The following LRATD1 variants were observed in gnomAD, a reference collection of about 807,000 sequenced individuals.
The protein encoded by LRATD1 is protein LRATD1.
LRATD1 carries 8 observed loss-of-function variants against 21.3 expected under a neutral mutation model. The ratio of observed to expected loss-of-function variants is 0.38; its 90% confidence interval spans 0.22 to 0.68. LRATD1 has a LOEUF of 0.68. Ranked by LOEUF, LRATD1 falls within the 30% of genes least tolerant of loss-of-function variation. The pLI is 0.54. For missense variants in LRATD1, 380 were observed against 404.0 expected (o/e 0.94, Z 0.51); for synonymous variants, 210 against 186.2 (o/e 1.13, Z -1.04).
At chr2:14,649,046 T>A (rs1047726476) in intron 4 of LRATD1, among the ~76,000 whole-genome samples, 2 of 152,152 alleles carry the variant, frequency 1.3e-5, no homozygotes, top group Admixed American at 6.5e-5. Context: ...TTGAAAAGCC[T>A]ATACCCTTCA....
rs1313533239 is a variant in LRATD1 at position 14,637,874 on chromosome 2, TTAA to T, written c.*3021_*3023del. 1 of 167,000 alleles carries T rather than the reference TTAA, an allele frequency of 6.0e-6. No homozygotes were observed. Among genetic ancestry groups the T allele is most frequent in the Non-Finnish European group, 1.5e-5 (1 of 68,086 alleles). The allele number at this position is 167,000 out of a possible 1,614,324, so 10.3% of individuals were successfully genotyped here. Reference sequence around the variant, plus strand: ...ATTACCTGAAAAGTTTCCTAACATTTTAATAATGTTAGGGATTTCGTTTTGGTT... The same window carrying T: ...ATTACCTGAAAAGTTTCCTAACATTTTAATGTTAGGGATTTCGTTTTGGTT... On this transcript the variant is annotated 3_prime_UTR_variant, in exon 2 of 2. Coordinates refer to ENST00000295092, the MANE Select transcript of LRATD1 (RefSeq NM_145175.4).
chr2:14,633,786 C>T lies in LRATD1; in HGVS notation c.-36-158C>T. 3 of 709,464 alleles carry T rather than the reference C, an allele frequency of 4.2e-6. No individual in the cohort carries two copies. Among genetic ancestry groups the T allele is most frequent in the Non-Finnish European group, 6.9e-6 (3 of 434,136 alleles). The allele number at this position is 709,464 out of a possible 1,614,324, so 43.9% of individuals were successfully genotyped here. On this transcript the variant is annotated intron_variant, in intron 1 of 1. Transcript: ENST00000295092. This position sits in a 1 kb window ranked among gnomAD's most constrained non-coding sequence, Gnocchi z 7.5. The stretch of plus-strand genomic sequence containing the variant: ...GTGGCGGCTTCTCCGCCCCTCGTAC[C>T]CCTGGGGAGGCACGGAGGACTCGGC...
chr2:14,646,133 T>C (rs1049858690), exon 3 of LRATD1: 5 of 152,182 alleles, frequency 3.3e-5, no homozygotes, highest in African/African-American at 1.2e-4. Flanking sequence ...TTTCAGTGAA[T>C]GCCTGGGGTA....
chr2:14,651,636 C>A (rs1042611588), downstream of LRATD1, among the ~76,000 whole-genome samples: 2 of 152,032 alleles, frequency 1.3e-5, no homozygotes, highest in Non-Finnish European at 2.9e-5. Flanking sequence ...CCCTAAATAC[C>A]AGGGAGTTTG....
chr2:14,643,664 C>T (rs1671842521), downstream of LRATD1, among the ~76,000 whole-genome samples: 1 of 152,218 alleles, frequency 6.6e-6, no homozygotes, highest in Admixed American at 6.5e-5. Flanking sequence ...TGTTCACTTA[C>T]CAGCTGTTCT....
At chr2:14,643,622 G>A (rs867039584), downstream of LRATD1, among the ~76,000 whole-genome samples, 1 of 152,182 alleles carries the variant, frequency 6.6e-6, no homozygotes, top group Non-Finnish European at 1.5e-5. Flanking sequence ...ACATGTAAAA[G>A]TCCTCCTCAT....
At chr2:14,644,724 G>A (rs1312562192), downstream of LRATD1, among the ~76,000 whole-genome samples, 3 of 152,070 alleles carry the variant, frequency 2.0e-5, no homozygotes, top group East Asian at 3.9e-4. Flanking sequence ...ACCCAAAGCC[G>A]TGATGACCTG....
At chr2:14,647,032 T>C (rs994489016) in intron 4 of LRATD1, among the ~76,000 whole-genome samples, 1 of 152,206 alleles carries the variant, frequency 6.6e-6, no homozygotes, top group African/African-American at 2.4e-5. Flanking sequence ...TCCAACTCTT[T>C]GCTTCTTGGA....
At chr2:14,646,308 A>C (rs1006701764) in intron 3 of LRATD1, 4 of 152,142 alleles carry the variant, frequency 2.6e-5, no homozygotes, top group African/African-American at 9.7e-5. Flanking sequence ...TTGATGTCCA[A>C]CCTCCTGGAA....
Position 14,637,279 on chromosome 2 carries a change from G to A in LRATD1, c.*2421G>A, listed in dbSNP as rs79536957. 8,462 of 166,970 alleles carry A rather than the reference G, an allele frequency of 0.051. 757 individuals carry two copies. Among genetic ancestry groups the A allele is most frequent in the African/African-American group, 0.19 (7,830 of 41,520 alleles). The allele number at this position is 166,970 out of a possible 1,614,324, so 10.3% of individuals were successfully genotyped here. ...GTCTCCCCCTTCAAAGTCACTCAAA[G>A]AGTGGGACTTCATCAAAAGAAATGA... is the stretch of plus-strand genomic sequence containing the variant. On this transcript the variant is annotated 3_prime_UTR_variant, in exon 2 of 2. Coordinates refer to ENST00000295092, the MANE Select transcript of LRATD1 (RefSeq NM_145175.4).
In LRATD1 at chr2:14,634,003, C is replaced by A. The variant is rs772942268; in HGVS notation, c.24C>A (p.Ile8=). 39 of 1,613,528 alleles carry A rather than the reference C, an allele frequency of 2.4e-5. No individual in the cohort carries two copies. The highest frequency in any genetic ancestry group is 3.3e-4 in the Middle Eastern group (2 of 6,084). ...TGATGGGCAACCAACTGGACCGCAT[C>A]ACCCACCTCAACTACAGCGAGTTGC... is the stretch of plus-strand genomic sequence containing the variant. The part of the protein sequence containing the change: MGNQLDR[I]THLNYSELPT... Residue 8 remains isoleucine, a synonymous_variant, in exon 2 of 2, where the codon ATC becomes ATA. Transcript: ENST00000295092.
chr2:14,647,982 G>A (rs1671924163), intron 4 of LRATD1, among the ~76,000 whole-genome samples: 1 of 152,084 alleles, frequency 6.6e-6, no homozygotes, highest in Non-Finnish European at 1.5e-5. Context: ...TCTCGTCTAT[G>A]TTCACTGCTT....
chr2:14,646,090 C>T (rs1341795308), intron 2 of LRATD1: 2 of 152,152 alleles, frequency 1.3e-5, no homozygotes, highest in African/African-American at 2.4e-5. Flanking sequence ...TCTCCCTCCA[C>T]CTTTTTCTTA....
chr2:14,634,280 G>A lies in LRATD1; in HGVS notation c.301G>A (p.Gly101Ser), dbSNP rs1030545255. The change falls in exon 2 of 2, where the codon GGT becomes AGT. Residue 101 changes from glycine (G) to serine (S), a missense_variant. By Grantham distance (56) the Gly-to-Ser change is moderately conservative. Transcript: ENST00000295092. Reference sequence around the variant, plus strand: ...GGAATGCATCTTTTCCAAAGTGAGCGGTGGCCCTCAGGGCGCCGACCTAAG... The same window carrying A: ...GGAATGCATCTTTTCCAAAGTGAGCAGTGGCCCTCAGGGCGCCGACCTAAG... ...GQECIFSKVS[G>S]GPQGADLSVY... 1.9e-6 allele frequency: 3 copies of A among 1,605,304 alleles called. No homozygotes were observed. The highest frequency in any genetic ancestry group is 3.3e-5 in the Admixed American group (2 of 59,854).
rs777607054 is a variant in LRATD1, at chr2:14,635,345, C to G, written c.*487C>G. The G allele has an allele frequency of 6.3e-6, 3 of 476,910 alleles. No individual in the cohort carries two copies. Among genetic ancestry groups the G allele is most frequent in the African/African-American group, 4.0e-5 (2 of 50,354 alleles). 29.5% of individuals were successfully genotyped at this position (476,910 alleles called of 1,614,324 possible). A position where few individuals can be genotyped will look rare whatever the true frequency, so the allele number is the denominator to read the frequency against. ...GTTCAGCTCCTCTGTGGATGCGTCCCCAGATCGCAGGATTTCCAAGAAATC... is the reference window on the plus strand; with the variant it reads ...GTTCAGCTCCTCTGTGGATGCGTCCGCAGATCGCAGGATTTCCAAGAAATC... On this transcript the variant is annotated 3_prime_UTR_variant, in exon 2 of 2. Coordinates refer to ENST00000295092, the MANE Select transcript of LRATD1 (RefSeq NM_145175.4).
rs755342021 is a variant in LRATD1 at position 14,634,752 on chromosome 2, G to C, written c.773G>C (p.Arg258Thr). The C allele has an allele frequency of 1.9e-6, 3 of 1,576,806 alleles. No individual in the cohort carries two copies. Among genetic ancestry groups the C allele is most frequent in the Non-Finnish European group, 2.6e-6 (3 of 1,158,504 alleles). The change falls in exon 2 of 2, where the codon AGG (arginine) becomes ACG (threonine). Residue 258 changes from arginine to threonine, a missense_variant. Physicochemically the swap from Arg to Thr is moderately conservative, Grantham distance 71. Coordinates refer to ENST00000295092, the MANE Select transcript of LRATD1 (RefSeq NM_145175.4). Reference sequence around the variant, plus strand: ...GGAGAGAACAAGGTCCACACCGCCAGGTTTCACAGCCTGGAAGACCTCATC... The same window carrying C: ...GGAGAGAACAAGGTCCACACCGCCACGTTTCACAGCCTGGAAGACCTCATC... ...HLGENKVHTA[R>T]FHSLEDLIRE... is the part of the protein sequence containing the mutation.
Position 14,649,361 on chromosome 2 carries a change from C to T in LRATD1, n.482C>T, listed in dbSNP as rs189773429. On this transcript the variant is annotated non_coding_transcript_exon_variant, in exon 5 of 6. Transcript: ENST00000464947. ...GTCTCATGGATGCTCTTAGGAGACC[C>T]ACCAACCACCAACTCCTTGTATTGC... The T allele has an allele frequency of 8.1e-5, 37 of 456,404 alleles. No homozygotes were observed. In the East Asian group the frequency reaches 2.6e-3, roughly 32 times the overall value. 28.3% of individuals were successfully genotyped at this position (456,404 alleles called of 1,614,324 possible).
exon 6 of LRATD1, chr2:14,649,553 G>A (rs540403491): frequency 1.1e-5 from 4 of 351,784 alleles, no homozygotes; most frequent in African/African-American, 4.3e-5. Flanking sequence ...TATCCAGCAC[G>A]GGAGCATAGG....
At position 14,633,254 on chromosome 2, in the gene LRATD1, C is replaced by T. The variant is rs979107051; in HGVS notation, c.-37+317C>T. On this transcript the variant is annotated intron_variant, in intron 1 of 1. Coordinates refer to ENST00000295092, the MANE Select transcript of LRATD1 (RefSeq NM_145175.4). The surrounding 1 kb of genome is among the most constrained non-coding windows in gnomAD (Gnocchi z 7.5). ...AGGTGTGCCCGGGTGCTTGGGCGTA[C>T]GTGCAACGGCGAGCGTGCAAGCGTG... 6.6e-6 allele frequency among the ~76,000 whole-genome samples: 1 copy of T among 152,156 alleles called. No individual in the cohort carries two copies. Among genetic ancestry groups the T allele is most frequent in the Non-Finnish European group, 1.5e-5 (1 of 68,036 alleles).
Sources: gnomAD v4.1 joint callset for allele counts (sites outside exome capture counted in the v4.1 genomes callset) on GRCh38, gnomAD v4.1.1 for gene constraint, Gnocchi (gnomAD v3.1) non-coding constraint, MANE v1.5 for transcripts, NCBI Gene and HGNC (gene_info 2026-07-23, HGNC 2026-07-21) for gene names.